The following TULP3 variants were observed in gnomAD, a reference collection of about 807,000 sequenced individuals.
TULP3 encodes tubby-related protein 3.
In TULP3, 38 loss-of-function variants were observed where a neutral mutation model predicts 50.7. The observed-to-expected ratio is 0.75, with a 90% confidence interval of 0.58 to 0.98. The LOEUF (loss-of-function observed/expected upper bound fraction) is 0.98, where lower values mean the gene tolerates loss of function less well. Among genes scored for constraint, TULP3 ranks in the 50% least tolerant of loss-of-function variants. The pLI, the probability that TULP3 is intolerant of heterozygous loss-of-function variation, is 0.00. For synonymous variants in TULP3, 183 were observed against 196.6 expected (o/e 0.93, Z 0.58); for missense variants, 550 against 568.0 (o/e 0.97, Z 0.32).
At position 2,936,613 on chromosome 12, in the gene TULP3, G is replaced by A. The variant is rs2098201423; in HGVS notation, c.925-1018G>A. Among the ~76,000 whole-genome samples the A allele has an allele frequency of 3.3e-5, 5 of 151,788 alleles. No homozygotes were observed. In the South Asian group the frequency reaches 1.0e-3, roughly 32 times the overall value. On this transcript the variant is annotated intron_variant, in intron 8 of 10. Transcript: ENST00000448120. Reference sequence around the variant, plus strand: ...AAAAAAAATACAAAATTAGCCGGGTGTGGTGGCGCATGCCTATAATCCCAG... The same window carrying A: ...AAAAAAAATACAAAATTAGCCGGGTATGGTGGCGCATGCCTATAATCCCAG...
At chr12:2,918,643 C>T (rs4247305) in intron 2 of TULP3, among the ~76,000 whole-genome samples, 72,554 of 151,686 alleles carry the variant, frequency 0.48, 17,801 homozygotes, top group African/African-American at 0.6. Flanking sequence ...CAGGCTCAAG[C>T]GATTCTCCCG....
At chr12:2,934,960 C>A (rs2098200255) in intron 8 of TULP3, among the ~76,000 whole-genome samples, 1 of 151,556 alleles carries the variant, frequency 6.6e-6, no homozygotes, top group Admixed American at 6.6e-5. Context: ...TAGTCCACTT[C>A]TTTTTAAATT....
intron 1 of TULP3, among the ~76,000 whole-genome samples, chr12:2,894,674 T>TCACGAGGTCAC (rs1416125542): frequency 1.3e-5 from 2 of 151,556 alleles, no homozygotes; most frequent in East Asian, 1.9e-4. Flanking sequence ...GGTGGGCAGA[T>TCACGAGGTCAC]CACGAGGTCA....
At chr12:2,908,652 C>T (rs1297597764) in intron 1 of TULP3, among the ~76,000 whole-genome samples, 1 of 152,082 alleles carries the variant, frequency 6.6e-6, no homozygotes, top group Non-Finnish European at 1.5e-5. Flanking sequence ...GAACTCCTGA[C>T]CTTGTGATCC....
intron 1 of TULP3, among the ~76,000 whole-genome samples, chr12:2,898,065 C>T (rs1254880455): frequency 2.0e-5 from 2 of 102,412 alleles, no homozygotes; most frequent in East Asian, 3.1e-4. Context: ...GCAACAAGAG[C>T]GGAAACTAGA....
chr12:2,908,939 C>T lies in TULP3; in HGVS notation c.42-590C>T, dbSNP rs115944176. ...AGTAAGTTTAGTGAAATGCCCAGAT[C>T]TTCAGGAATTCAGTAGGCTCTAGTA... On this transcript the variant is annotated intron_variant, in intron 1 of 10. Coordinates refer to ENST00000448120, the MANE Select transcript of TULP3 (RefSeq NM_003324.5). 4.0e-3 allele frequency among the ~76,000 whole-genome samples: 613 copies of T among 152,258 alleles called. 2 individuals carry two copies. Among genetic ancestry groups the T allele is most frequent in the African/African-American group, 0.014 (573 of 41,548 alleles).
chr12:2,905,075 ACT>A (rs2098181388), intron 1 of TULP3, among the ~76,000 whole-genome samples: 1 of 50,870 alleles, frequency 2.0e-5, no homozygotes, highest in Admixed American at 2.5e-4. Context: ...ACAGAGTGAG[ACT>A]CTGTCTCAAA....
At chr12:2,908,100 C>G (rs1239851000) in intron 1 of TULP3, among the ~76,000 whole-genome samples, 1 of 152,154 alleles carries the variant, frequency 6.6e-6, no homozygotes, top group Non-Finnish European at 1.5e-5. Flanking sequence ...ATTGAAGTTG[C>G]TATGCATTAG....
At chr12:2,915,989 T>G (rs1483097442) in intron 2 of TULP3, among the ~76,000 whole-genome samples, 1 of 152,126 alleles carries the variant, frequency 6.6e-6, no homozygotes, top group African/African-American at 2.4e-5. Flanking sequence ...AAATTGAGAA[T>G]TAGTTAAACT....
intron 1 of TULP3, among the ~76,000 whole-genome samples, chr12:2,899,907 CA>C (rs796115246): frequency 6.2e-4 from 23 of 37,194 alleles, no homozygotes; most frequent in Admixed American, 1.0e-3. Flanking sequence ...AAAAAACAAA[CA>C]AAAAAAAAAA....
At chr12:2,928,887 G>A (rs564158886) in intron 4 of TULP3, among the ~76,000 whole-genome samples, 1 of 152,248 alleles carries the variant, frequency 6.6e-6, no homozygotes, top group East Asian at 1.9e-4. Context: ...GGAGGTTGCA[G>A]TGAGCTGAGA....
At chr12:2,918,391 C>T (rs904162510) in intron 2 of TULP3, among the ~76,000 whole-genome samples, 3 of 151,940 alleles carry the variant, frequency 2.0e-5, no homozygotes, top group Admixed American at 1.3e-4. Context: ...GGATTACAGG[C>T]GTGAGCCACC....
rs182192433 is a variant in TULP3, at chr12:2,922,193, G to A, written c.254-69G>A. ...GTAGTTCTTAATTCTGATCACATAT[G>A]CCAAATCTACCCAACTAGTGAATAA... is the stretch of plus-strand genomic sequence containing the variant. On this transcript the variant is annotated intron_variant, in intron 3 of 10. Transcript: ENST00000448120. 24 of 1,549,946 alleles carry A rather than the reference G, an allele frequency of 1.5e-5. No individual in the cohort carries two copies. The East Asian group carries it at 2.3e-4, about 15-fold the overall frequency.
intron 1 of TULP3, among the ~76,000 whole-genome samples, chr12:2,904,442 C>T (rs769732422): frequency 7.2e-5 from 11 of 151,986 alleles, no homozygotes; most frequent in Admixed American, 3.3e-4. Context: ...GGCTCAAGCA[C>T]TCCTCCTACC....
At position 2,939,536 on chromosome 12, in the gene TULP3, A is replaced by T. The variant is rs1565510610; in HGVS notation, c.*92A>T. 8.4e-6 allele frequency: 13 copies of T among 1,551,294 alleles called. No individual in the cohort carries two copies. Among genetic ancestry groups the T allele is most frequent in the Non-Finnish European group, 1.1e-5 (13 of 1,155,208 alleles). ...CCCCTCCCTGCCCCAGGACTTAAAG[A>T]GCAATAGTTTGCCCCTTTTGGAATG... On this transcript the variant is annotated 3_prime_UTR_variant, in exon 11 of 11. Transcript: ENST00000448120. This position sits in a 1 kb window ranked among gnomAD's most constrained non-coding sequence, Gnocchi z 4.0.
At chr12:2,899,623 G>T (rs1407464671) in intron 1 of TULP3, among the ~76,000 whole-genome samples, 2 of 152,186 alleles carry the variant, frequency 1.3e-5, no homozygotes, top group Non-Finnish European at 2.9e-5. Context: ...GCCGGGCGTG[G>T]TGGCTCACGC....
rs754590158 is a variant in TULP3 at position 2,931,260 on chromosome 12, A to G, written c.696+20A>G. On this transcript the variant is annotated intron_variant, in intron 6 of 10. Coordinates refer to ENST00000448120, the MANE Select transcript of TULP3 (RefSeq NM_003324.5). ...CAGAAGGTATGAGAATTGATTTCTA[A>G]GAAAACTCTTGAGAGAGAGAAGAAT... 6.2e-7 allele frequency: 1 copy of G among 1,610,584 alleles called. No individual in the cohort carries two copies. Among genetic ancestry groups the G allele is most frequent in the East Asian group, 2.2e-5 (1 of 44,870 alleles).
chr12:2,933,956 A>G (rs2098199662), intron 7 of TULP3, among the ~76,000 whole-genome samples: 1 of 152,122 alleles, frequency 6.6e-6, no homozygotes, highest in Non-Finnish European at 1.5e-5. Flanking sequence ...TCTCAAAAAA[A>G]TAAAAAAATA....
intron 1 of TULP3, 74 bp from the exon 2 acceptor site, chr12:2,909,455 A>G: frequency 7.1e-7 from 1 of 1,411,036 alleles, no homozygotes; most frequent in African/African-American, 1.5e-5. Flanking sequence ...CCAAAAGAGT[A>G]CATACATAAA....
Sources: allele counts gnomAD v4.1 joint callset (sites outside exome capture counted in the v4.1 genomes callset), GRCh38; gene constraint gnomAD v4.1.1; non-coding constraint Gnocchi (gnomAD v3.1); transcripts MANE v1.5; gene names NCBI Gene and HGNC (gene_info 2026-07-23, HGNC 2026-07-21).